Variants in FOXP2 observed in about 807,000 individuals in gnomAD.
FOXP2 encodes the protein forkhead box protein P2.
FOXP2 carries 12 observed loss-of-function variants against 115.8 expected under a neutral mutation model. That is an observed-to-expected ratio of 0.10 (90% CI 0.07 to 0.17). The LOEUF is 0.17. Ranked by LOEUF, FOXP2 falls within the 10% of genes least tolerant of loss-of-function variation. The probability of loss-of-function intolerance (pLI) is 1.00; values close to 1 mark genes in which losing one functional copy is unlikely to be tolerated. For missense variants in FOXP2, 629 were observed against 843.5 expected (o/e 0.75, Z 3.15); for synonymous variants, 328 against 297.7 (o/e 1.10, Z -1.05).
intron 1 of FOXP2, among the ~76,000 whole-genome samples, chr7:114,242,430 A>C (rs1795177789): frequency 6.6e-6 from 1 of 152,080 alleles, no homozygotes; most frequent in South Asian, 2.1e-4. Context: ...AAGTTTATAG[A>C]GATGGAATGT....
chr7:114,310,589 T>G (rs1020273336), intron 2 of FOXP2, among the ~76,000 whole-genome samples: 3 of 152,006 alleles, frequency 2.0e-5, no homozygotes, highest in Admixed American at 1.3e-4. Flanking sequence ...TCTTTCTGAG[T>G]ACTCTGGCAG....
chr7:114,125,590 C>T (rs1257693418), intron 1 of FOXP2, among the ~76,000 whole-genome samples: 6 of 152,060 alleles, frequency 3.9e-5, no homozygotes, highest in African/African-American at 1.4e-4. Flanking sequence ...TAAAAATCCC[C>T]TCAGAAGACT....
At chr7:114,089,817 C>A (rs969278534) in intron 1 of FOXP2, among the ~76,000 whole-genome samples, 1 of 151,864 alleles carries the variant, frequency 6.6e-6, no homozygotes, top group African/African-American at 2.4e-5. Flanking sequence ...AAATTTCAAA[C>A]ACACAAAACA....
chr7:114,227,558 TACCTGTCTTTCTAGAC>T (rs1472647961), intron 1 of FOXP2, among the ~76,000 whole-genome samples: 2 of 151,656 alleles, frequency 1.3e-5, no homozygotes, highest in African/African-American at 4.8e-5. Context: ...CTTTCTAGAA[TACCTGTCTTTCTAGAC>T]TTCTGCATTT....
intron 2 of FOXP2, chr7:114,463,116 A>C: frequency 4.8e-6 from 2 of 414,478 alleles, no homozygotes; most frequent in South Asian, 1.8e-5. Flanking sequence ...GCAACCTGGA[A>C]CTCCTGGGCT....
rs533331065 is a variant in FOXP2, at chr7:114,601,766, A to G, written c.259-26774A>G. 2.0e-5 allele frequency among the ~76,000 whole-genome samples: 3 copies of G among 152,218 alleles called. No homozygotes were observed. In the East Asian group the frequency reaches 5.8e-4, roughly 29 times the overall value. On this transcript the variant is annotated intron_variant, in intron 3 of 16. Transcript: ENST00000350908. ...ACTTAGAAGTTCATCATTTTATTTC[A>G]AATATTTTAAGATCTCTTAAGTTAT...
At chr7:114,200,278 A>T (rs1187161818) in intron 1 of FOXP2, among the ~76,000 whole-genome samples, 1 of 152,238 alleles carries the variant, frequency 6.6e-6, no homozygotes, top group African/African-American at 2.4e-5. Flanking sequence ...TAACCAGAAG[A>T]ATCCAGATCA....
chr7:114,687,960 C>T (rs1300045680), intron 16 of FOXP2, among the ~76,000 whole-genome samples: 11 of 151,890 alleles, frequency 7.2e-5, no homozygotes, highest in East Asian at 1.9e-4. Flanking sequence ...ATATTTGTCA[C>T]GTTTTAAAAC....
intron 2 of FOXP2, among the ~76,000 whole-genome samples, chr7:114,382,687 G>C (rs1792337780): frequency 6.6e-6 from 1 of 151,962 alleles, no homozygotes; most frequent in South Asian, 2.1e-4. Flanking sequence ...GGGTTTCTAA[G>C]TTTTGCTCTG....
intron 1 of FOXP2, among the ~76,000 whole-genome samples, chr7:114,166,082 C>T (rs1165357258): frequency 6.6e-6 from 1 of 152,066 alleles, no homozygotes; most frequent in East Asian, 1.9e-4. Flanking sequence ...ATCTAGACGA[C>T]CTTATACCTT....
chr7:114,649,462 T>C (rs1009678668), intron 8 of FOXP2, among the ~76,000 whole-genome samples: 1 of 152,084 alleles, frequency 6.6e-6, no homozygotes, highest in South Asian at 2.1e-4. Flanking sequence ...AATCCTCTCA[T>C]TTTTCAGTAT....
chr7:114,124,557 T>C (rs1453721170), intron 1 of FOXP2, among the ~76,000 whole-genome samples: 1 of 152,084 alleles, frequency 6.6e-6, no homozygotes, highest in Non-Finnish European at 1.5e-5. Flanking sequence ...TAGATCTGCT[T>C]TCCAATAAAC....
At chr7:114,611,536 A>T (rs1394620039) in intron 3 of FOXP2, among the ~76,000 whole-genome samples, 14 of 152,326 alleles carry the variant, frequency 9.2e-5, no homozygotes, top group Admixed American at 9.2e-4. Flanking sequence ...TTCCTCATGA[A>T]GCTTAGGGAA....
intron 3 of FOXP2, among the ~76,000 whole-genome samples, chr7:114,555,422 G>A (rs1173924408): frequency 2.0e-5 from 3 of 152,160 alleles, no homozygotes; most frequent in African/African-American, 7.2e-5. Context: ...ACAAGGGGAT[G>A]ACAAGGTATT....
Position 114,256,135 on chromosome 7 carries a change from T to C in FOXP2, c.-101-31884T>C, listed in dbSNP as rs192520184. The stretch of plus-strand genomic sequence containing the variant: ...TTTTTTGTTTGAGACAGAGTTTTGC[T>C]CTTGTTACCCAGGCTGGAGTGCAGT... On this transcript the variant is annotated intron_variant, in intron 1 of 17. Coordinates refer to the FOXP2 transcript ENST00000634411. Among the ~76,000 whole-genome samples the C allele has an allele frequency of 7.7e-3, 1,175 of 152,208 alleles. 8 individuals are homozygous for C. Among genetic ancestry groups the C allele is most frequent in the Non-Finnish European group, 0.011 (756 of 68,022 alleles).
At chr7:114,164,261 G>A (rs749778945) in intron 1 of FOXP2, among the ~76,000 whole-genome samples, 15 of 151,274 alleles carry the variant, frequency 9.9e-5, no homozygotes, top group South Asian at 2.1e-4. Context: ...AGACTTTTTC[G>A]TTTTGGACTT....
At chr7:114,287,266 A>G (rs1379799311) in intron 1 of FOXP2, among the ~76,000 whole-genome samples, 2 of 151,934 alleles carry the variant, frequency 1.3e-5, no homozygotes, top group African/African-American at 4.8e-5. Flanking sequence ...GAAAAAAAAA[A>G]CTGCAAAAAG....
Position 114,692,947 on chromosome 7 carries a change from T to C in FOXP2, c.*3021T>C. ...GAATTGTAACAGCTGTTATTCGTTC[T>C]GTATTCATGGCTTTCACTGCTGAAT... is the stretch of plus-strand genomic sequence containing the variant. On this transcript the variant is annotated 3_prime_UTR_variant, in exon 17 of 17. Coordinates refer to ENST00000350908, the MANE Select transcript of FOXP2 (RefSeq NM_014491.4). 1 of 453,954 alleles carries C rather than the reference T, an allele frequency of 2.2e-6. No individual in the cohort carries two copies. Among genetic ancestry groups the C allele is most frequent in the Non-Finnish European group, 4.4e-6 (1 of 226,664 alleles). 28.1% of individuals were successfully genotyped at this position (453,954 alleles called of 1,614,324 possible).
chr7:114,687,799 T>C (rs1418208055), intron 16 of FOXP2, among the ~76,000 whole-genome samples: 2 of 152,184 alleles, frequency 1.3e-5, no homozygotes, highest in African/African-American at 4.8e-5. Context: ...TTTACATCCC[T>C]AGGTAATCAT....
Sources: gnomAD v4.1 joint callset for allele counts (sites outside exome capture counted in the v4.1 genomes callset) on GRCh38, gnomAD v4.1.1 for gene constraint, MANE v1.5 for transcripts, NCBI Gene and HGNC (gene_info 2026-07-23, HGNC 2026-07-21) for gene names.